Variants in PANK3 observed in about 807,000 individuals in gnomAD.
PANK3 encodes the protein hPanK3.
In PANK3, 20 loss-of-function variants were observed where a neutral mutation model predicts 39.4. The observed-to-expected ratio is 0.51, with a 90% CI of 0.36 to 0.74. The LOEUF (loss-of-function observed/expected upper bound fraction) is 0.74. PANK3 is among the 30% of genes least tolerant of loss of function. PANK3 has a pLI of 0.00. For missense variants in PANK3, 265 were observed against 437.0 expected, an observed-to-expected ratio of 0.61 and a Z score of 3.51; for synonymous variants, 140 against 157.3, an observed-to-expected ratio of 0.89 and a Z score of 0.82.
chr5:168,549,590 T>C lies in PANK3; in HGVS notation c.*7981A>G, dbSNP rs1759243602. 1 of 152,156 alleles carries C rather than the reference T, an allele frequency of 6.6e-6. No individual in the cohort carries two copies. Among genetic ancestry groups the C allele is most frequent in the Non-Finnish European group, 1.5e-5 (1 of 68,028 alleles). 9.4% of individuals were successfully genotyped at this position (152,156 alleles called of 1,614,324 possible). On this transcript the variant is annotated 3_prime_UTR_variant, in exon 7 of 7. Coordinates refer to ENST00000239231, the MANE Select transcript of PANK3 (RefSeq NM_024594.4). ...CTTGATTTTAACCTCATTCACTCCT[T>C]TGAAAAATACATTCCTCTTTTGTTC...
intron 1 of PANK3, among the ~76,000 whole-genome samples, chr5:168,575,466 T>G (rs1759716583): frequency 6.6e-6 from 1 of 150,996 alleles, no homozygotes; most frequent in Admixed American, 6.6e-5. Flanking sequence ...AACACTAACA[T>G]AACTATTTAA....
intron 1 of PANK3, among the ~76,000 whole-genome samples, chr5:168,577,370 C>G (rs1419339955): frequency 6.6e-6 from 1 of 152,192 alleles, no homozygotes; most frequent in East Asian, 1.9e-4. Flanking sequence ...AATGGTCTCA[C>G]AACATACCAC....
chr5:168,570,341 C>T (rs562837180), intron 1 of PANK3, among the ~76,000 whole-genome samples: 3 of 148,440 alleles, frequency 2.0e-5, no homozygotes, highest in Admixed American at 6.8e-5. Context: ...GCAGAGATCG[C>T]GCCATTGCAC....
chr5:168,578,463 T>A (rs555769516), intron 1 of PANK3, among the ~76,000 whole-genome samples: 8 of 152,220 alleles, frequency 5.3e-5, no homozygotes, highest in African/African-American at 1.7e-4. Context: ...TCTGGGAGGC[T>A]ATACTTAAAA....
intron 6 of PANK3, among the ~76,000 whole-genome samples, 154 bp downstream of exon 6, chr5:168,558,878 G>C (rs1759397033): frequency 6.6e-6 from 1 of 152,108 alleles, no homozygotes; most frequent in African/African-American, 2.4e-5. Flanking sequence ...CCAGCTACTT[G>C]GGAGGCTGAG....
chr5:168,569,030 A>AAAAAT (rs1554125888), intron 1 of PANK3, 32 bp from the exon 2 acceptor site: 22 of 120,338 alleles, frequency 1.8e-4, no homozygotes, highest in East Asian at 1.1e-3. Flanking sequence ...AAAAAAAAAA[A>AAAAAT]ATATATATAT....
chr5:168,558,012 G>A (rs1759378774), intron 6 of PANK3, among the ~76,000 whole-genome samples: 1 of 152,060 alleles, frequency 6.6e-6, no homozygotes, highest in Non-Finnish European at 1.5e-5. Context: ...CAGCAATTCT[G>A]CACCCTCTCC....
At chr5:168,566,619 A>C (rs576232403) in intron 2 of PANK3, among the ~76,000 whole-genome samples, 1 of 152,354 alleles carries the variant, frequency 6.6e-6, no homozygotes, top group South Asian at 2.1e-4. Flanking sequence ...TCATTTTTAT[A>C]GTGGCAGTAG....
intron 1 of PANK3, among the ~76,000 whole-genome samples, chr5:168,574,715 G>C (rs1011440007): frequency 1.3e-5 from 2 of 152,096 alleles, no homozygotes; most frequent in African/African-American, 4.8e-5. Context: ...ACAAAAATTA[G>C]CCAGGCTTGG....
chr5:168,579,158 G>A, intron 1 of PANK3, 98 bp downstream of exon 1: 2 of 1,149,406 alleles, frequency 1.7e-6, no homozygotes, highest in Non-Finnish European at 2.4e-6. Context: ...GCGCCGGCGA[G>A]GAGCGACGGG....
chr5:168,572,447 T>C lies in PANK3; in HGVS notation c.29-3449A>G, dbSNP rs1561842976. Reference sequence around the variant, plus strand: ...AAAGGGTGGTGGGATTATCATTAGTTCTTATAGGTTTTGGGATAGGCAGTG... The same window carrying C: ...AAAGGGTGGTGGGATTATCATTAGTCCTTATAGGTTTTGGGATAGGCAGTG... On this transcript the variant is annotated intron_variant, in intron 1 of 6. Coordinates refer to ENST00000239231, the MANE Select transcript of PANK3 (RefSeq NM_024594.4). Among the ~76,000 whole-genome samples, 8 of 152,048 alleles carry C rather than the reference T, an allele frequency of 5.3e-5. No individual in the cohort carries two copies. The South Asian group carries it at 1.7e-3, about 32-fold the overall frequency.
chr5:168,570,811 A>G (rs1759617842), intron 1 of PANK3, among the ~76,000 whole-genome samples: 1 of 152,226 alleles, frequency 6.6e-6, no homozygotes, highest in Non-Finnish European at 1.5e-5. Flanking sequence ...CTACCTTCAA[A>G]TTAGAAAGCA....
At chr5:168,557,708 AATCTATTTGTTTAAT>A (rs1488680484) in intron 6 of PANK3, 87 bp from the exon 7 acceptor site, 11 of 1,036,496 alleles carry the variant, frequency 1.1e-5, no homozygotes, top group Non-Finnish European at 1.1e-5. Flanking sequence ...AACTATGCAC[AATCTATTTGTTTAAT>A]AATATTTGGA....
At chr5:168,568,548 T>G in intron 2 of PANK3, 98 bp downstream of exon 2, 1 of 922,584 alleles carries the variant, frequency 1.1e-6, no homozygotes, top group Non-Finnish European at 1.6e-6. Context: ...TATTTCCCAC[T>G]GCATGTGCAG....
chr5:168,564,125 T>G (rs1050486379), intron 3 of PANK3, 60 bp from the exon 4 acceptor site: 2 of 1,370,228 alleles, frequency 1.5e-6, no homozygotes, highest in Non-Finnish European at 2.0e-6. Flanking sequence ...TTCTCTAAAG[T>G]AAAAGGGTGG....
intron 1 of PANK3, among the ~76,000 whole-genome samples, chr5:168,578,288 G>A (rs546733151): frequency 6.6e-6 from 1 of 152,352 alleles, no homozygotes; most frequent in African/African-American, 2.4e-5. Flanking sequence ...TGCCTCTCAG[G>A]TGAGTTTTAC....
At chr5:168,565,027 T>C (rs1759502869) in intron 3 of PANK3, among the ~76,000 whole-genome samples, 1 of 152,200 alleles carries the variant, frequency 6.6e-6, no homozygotes, top group East Asian at 1.9e-4. Flanking sequence ...TGAATCACTG[T>C]TGGATTTAGT....
Position 168,548,619 on chromosome 5 carries a change from G to A in PANK3, c.*8952C>T, listed in dbSNP as rs1288391954. On this transcript the variant is annotated 3_prime_UTR_variant, in exon 7 of 7. Coordinates refer to ENST00000239231, the MANE Select transcript of PANK3 (RefSeq NM_024594.4). Reference sequence around the variant, plus strand: ...CAGAAAAAAAGGCAGAGAAACTGAAGTTGGCTTAATGGTTATCCAATACAA... The same window carrying A: ...CAGAAAAAAAGGCAGAGAAACTGAAATTGGCTTAATGGTTATCCAATACAA... The A allele has an allele frequency of 6.6e-6, 1 of 152,180 alleles. No individual in the cohort carries two copies. Among genetic ancestry groups the A allele is most frequent in the Non-Finnish European group, 1.5e-5 (1 of 68,042 alleles). 9.4% of individuals were successfully genotyped at this position (152,180 alleles called of 1,614,324 possible). A position where few individuals can be genotyped will look rare whatever the true frequency, so the allele number is the denominator to read the frequency against.
chr5:168,565,868 A>AATAT lies in PANK3; in HGVS notation c.635+141_635+144dup, dbSNP rs1554125711. The stretch of plus-strand genomic sequence containing the variant: ...CACCCTCTTTCACTTAAAAAAAAAA[A>AATAT]ATATATATATATATATATTTTTTTT... On this transcript the variant is annotated intron_variant, in intron 3 of 6. Transcript: ENST00000239231. 128 of 131,902 alleles carry AATAT rather than the reference A, an allele frequency of 9.7e-4. 3 individuals carry two copies. Among genetic ancestry groups the AATAT allele is most frequent in the Middle Eastern group, 3.7e-3 (1 of 272 alleles). The allele number at this position is 131,902 out of a possible 1,614,324, so 8.2% of individuals were successfully genotyped here.
Sources: gnomAD v4.1 joint callset for allele counts (sites outside exome capture counted in the v4.1 genomes callset) on GRCh38, gnomAD v4.1.1 for gene constraint, MANE v1.5 for transcripts, NCBI Gene and HGNC (gene_info 2026-07-23, HGNC 2026-07-21) for gene names.